HSD17B2: variants seen among roughly 807,000 people sequenced by gnomAD.
HSD17B2 encodes hydroxysteroid 17-beta dehydrogenase 2, also known as 17-beta-hydroxysteroid dehydrogenase type 2.
A neutral mutation model predicts 26.9 loss-of-function variants in HSD17B2; 32 were observed. The observed-to-expected ratio is 1.19, with a 90% CI of 0.90 to 1.60. The LOEUF (loss-of-function observed/expected upper bound fraction) is 1.60. Among genes scored for constraint, HSD17B2 ranks in the 40% most tolerant of loss-of-function variants. The probability of loss-of-function intolerance (pLI) is 0.00; values close to 1 mark genes in which losing one functional copy is unlikely to be tolerated. For synonymous variants in HSD17B2, 246 were observed against 186.7 expected (o/e 1.32, Z -2.59); for missense variants, 613 against 468.6 (o/e 1.31, Z -2.85).
intron 3 of HSD17B2, among the ~76,000 whole-genome samples, chr16:82,076,454 G>A (rs143103433): frequency 6.6e-6 from 1 of 152,174 alleles, no homozygotes; most frequent in Admixed American, 6.5e-5. Context: ...AATTATCCTT[G>A]TTTGCAGATG....
Position 82,068,251 on chromosome 16 carries a change from A to C in HSD17B2, c.347A>C (p.Glu116Ala). The C allele has an allele frequency of 6.2e-7, 1 of 1,614,088 alleles. No homozygotes were observed. The change falls in exon 2 of 5, where the codon GAA becomes GCA. Residue 116 changes from glutamate (E) to alanine (A), a missense_variant. By Grantham distance (107) the Glu-to-Ala change is moderately radical. Coordinates refer to ENST00000199936, the MANE Select transcript of HSD17B2 (RefSeq NM_002153.3). Reference sequence around the variant, plus strand: ...ACGGTATTTGCCGGAGTTTTGAATGAAAATGGCCCAGGAGCTGAGGAATTG... The same window carrying C: ...ACGGTATTTGCCGGAGTTTTGAATGCAAATGGCCCAGGAGCTGAGGAATTG... ...GFTVFAGVLNENGPGAEELRR... is the reference protein window; with the variant it reads ...GFTVFAGVLNANGPGAEELRR...
In HSD17B2 at chr16:82,045,910, G is replaced by C. The variant is rs570170503; in HGVS notation, c.265+10221G>C. 5.9e-5 allele frequency among the ~76,000 whole-genome samples: 9 copies of C among 152,342 alleles called. No homozygotes were observed. In the East Asian group the frequency reaches 1.7e-3, roughly 29 times the overall value. On this transcript the variant is annotated intron_variant, in intron 1 of 4. Coordinates refer to ENST00000199936, the MANE Select transcript of HSD17B2 (RefSeq NM_002153.3). ...CAGTCCTGATAATTTACCCTGAGCT[G>C]TCTTTTTGGTTCTTCTGTTACAGAG...
intron 3 of HSD17B2, among the ~76,000 whole-genome samples, chr16:82,079,768 A>G (rs368518582): frequency 7.5e-4 from 115 of 152,330 alleles, no homozygotes; most frequent in African/African-American, 2.3e-3. Flanking sequence ...AAGGATTAGA[A>G]AAGTCAAAGT....
At chr16:82,043,360 C>T (rs1456994926) in intron 1 of HSD17B2, among the ~76,000 whole-genome samples, 4 of 152,130 alleles carry the variant, frequency 2.6e-5, no homozygotes, top group Non-Finnish European at 5.9e-5. Context: ...CAGCCAAGAA[C>T]AGATCATTCA....
chr16:82,076,847 G>A (rs1395538208), intron 3 of HSD17B2, among the ~76,000 whole-genome samples: 2 of 152,084 alleles, frequency 1.3e-5, no homozygotes, highest in African/African-American at 2.4e-5. Context: ...CAAAAGGCTG[G>A]GATTACAGGC....
At chr16:82,070,825 A>G (rs1284430696) in intron 2 of HSD17B2, 117 bp from the exon 3 acceptor site, 3 of 925,976 alleles carry the variant, frequency 3.2e-6, no homozygotes, top group Non-Finnish European at 3.3e-6. Context: ...GCAGACTCTA[A>G]TCCCCCAGGA....
chr16:82,058,972 A>C (rs943649038), intron 1 of HSD17B2, among the ~76,000 whole-genome samples: 6 of 152,092 alleles, frequency 3.9e-5, no homozygotes, highest in Non-Finnish European at 5.9e-5. Context: ...CATTCGGTAA[A>C]TATTTACTAC....
At chr16:82,071,381 A>T in intron 3 of HSD17B2, 1 of 531,108 alleles carries the variant, frequency 1.9e-6, no homozygotes, top group Middle Eastern at 3.8e-4. Flanking sequence ...ATATGTCTTT[A>T]TAATGTGACT....
At chr16:82,039,581 C>T (rs79612146) in intron 1 of HSD17B2, among the ~76,000 whole-genome samples, 53 of 152,244 alleles carry the variant, frequency 3.5e-4, no homozygotes, top group Non-Finnish European at 7.5e-4. Flanking sequence ...TACTGTCAAG[C>T]GATGGGATCA....
chr16:82,039,272 C>CACACAT (rs397771391), intron 1 of HSD17B2, among the ~76,000 whole-genome samples: 1 of 151,256 alleles, frequency 6.6e-6, no homozygotes, highest in African/African-American at 2.4e-5. Flanking sequence ...CACACACACA[C>CACACAT]GCACAAACAC....
At chr16:82,048,355 C>T (rs920562762) in intron 1 of HSD17B2, among the ~76,000 whole-genome samples, 12 of 152,122 alleles carry the variant, frequency 7.9e-5, no homozygotes, top group African/African-American at 1.2e-4. Flanking sequence ...GATAGCTCTG[C>T]TTTCACTGCC....
chr16:82,059,086 AT>A (rs760694081), intron 1 of HSD17B2, among the ~76,000 whole-genome samples: 1 of 152,128 alleles, frequency 6.6e-6, no homozygotes, highest in Admixed American at 6.5e-5. Flanking sequence ...TGCCTGTATT[AT>A]TTTCCAATGA....
intron 2 of HSD17B2, among the ~76,000 whole-genome samples, chr16:82,069,516 TC>T (rs1914649213): frequency 6.6e-6 from 1 of 152,112 alleles, no homozygotes; most frequent in Admixed American, 6.5e-5. Flanking sequence ...GGCTTTGGGG[TC>T]CCCAGCCCCC....
intron 3 of HSD17B2, among the ~76,000 whole-genome samples, chr16:82,081,845 C>A (rs1403976025): frequency 3.3e-5 from 5 of 152,122 alleles, no homozygotes; most frequent in Non-Finnish European, 7.3e-5. Flanking sequence ...AGAATCAACC[C>A]AATTGCCCAT....
chr16:82,090,691 T>C (rs1904666167), intron 3 of HSD17B2, among the ~76,000 whole-genome samples: 2 of 152,058 alleles, frequency 1.3e-5, no homozygotes, highest in Non-Finnish European at 2.9e-5. Context: ...CCAGCTGCAA[T>C]AGGGGAGCCA....
At chr16:82,038,418 C>G (rs1393094940) in intron 1 of HSD17B2, among the ~76,000 whole-genome samples, 1 of 152,124 alleles carries the variant, frequency 6.6e-6, no homozygotes, top group Non-Finnish European at 1.5e-5. Context: ...GGCATGATCT[C>G]AGCTCACTGC....
At chr16:82,087,553 T>C (rs1380001901) in intron 3 of HSD17B2, among the ~76,000 whole-genome samples, 1 of 152,238 alleles carries the variant, frequency 6.6e-6, no homozygotes, top group East Asian at 1.9e-4. Context: ...TTCAAATTAA[T>C]GCAAAAGACA....
At position 82,090,951 on chromosome 16, in the gene HSD17B2, T is replaced by C. The variant is rs1342618632; in HGVS notation, c.714T>C (p.Ala238=). 6.2e-7 allele frequency: 1 copy of C among 1,614,084 alleles called. No homozygotes were observed. Among genetic ancestry groups the C allele is most frequent in the Non-Finnish European group, 8.5e-7 (1 of 1,179,944 alleles). ...CATCTTATGGCTCATCAAAGGCGGC[T>C]GTGACCATGTTCTCATCAGTTATGA... ...RLASYGSSKA[A]VTMFSSVMRL... Residue 238 remains alanine (A), a synonymous_variant, in exon 4 of 5, where the codon GCT becomes GCC. Transcript: ENST00000199936.
chr16:82,062,802 G>A (rs985950975), intron 1 of HSD17B2, among the ~76,000 whole-genome samples: 4 of 152,198 alleles, frequency 2.6e-5, no homozygotes, highest in Admixed American at 1.3e-4. Flanking sequence ...TCTCACGAAA[G>A]CCCTGGCTTT....
Sources: allele counts gnomAD v4.1 joint callset (sites outside exome capture counted in the v4.1 genomes callset), GRCh38; gene constraint gnomAD v4.1.1; transcripts MANE v1.5; gene names NCBI Gene and HGNC (gene_info 2026-07-23, HGNC 2026-07-21).